The following XPC variants were observed in gnomAD, a reference collection of about 807,000 sequenced individuals.
XPC encodes the protein XPC complex subunit, DNA damage recognition and repair factor.
XPC carries 76 observed loss-of-function variants against 95.8 expected under a neutral mutation model. The ratio of observed to expected loss-of-function variants is 0.79; its 90% CI spans 0.66 to 0.96. The LOEUF (loss-of-function observed/expected upper bound fraction) is 0.96, where lower values mean the gene tolerates loss of function less well. Ranked by LOEUF, XPC falls within the 40% of genes least tolerant of loss-of-function variation. The pLI is 0.00. For missense variants in XPC, 1,146 were observed against 1,179.8 expected (o/e 0.97, Z 0.42); for synonymous variants, 442 against 442.1 (o/e 1.00, Z 0.00).
At chr3:14,161,701 G>C (rs1441659070) in intron 7 of XPC, among the ~76,000 whole-genome samples, 1 of 149,340 alleles carries the variant, frequency 6.7e-6, no homozygotes, top group Non-Finnish European at 1.5e-5. Context: ...CCCAGATCTA[G>C]TATGATACTT....
At chr3:14,147,782 G>A in intron 14 of XPC, 126 bp downstream of exon 14, 1 of 827,324 alleles carries the variant, frequency 1.2e-6, no homozygotes, top group Non-Finnish European at 1.9e-6. Context: ...TCGGGTGCCT[G>A]CCATGATGTC....
intron 1 of XPC, among the ~76,000 whole-genome samples, chr3:14,176,293 C>T (rs1001158319): frequency 1.3e-5 from 2 of 152,110 alleles, no homozygotes; most frequent in Non-Finnish European, 2.9e-5. Flanking sequence ...ACTAGAATAC[C>T]GGCCCCTTTT....
chr3:14,175,538 C>G (rs935765676), intron 1 of XPC, among the ~76,000 whole-genome samples: 1 of 152,008 alleles, frequency 6.6e-6, no homozygotes, highest in Non-Finnish European at 1.5e-5. Flanking sequence ...CAATATTATC[C>G]TAGTACCTGG....
chr3:14,177,398 T>C (rs1696869231), intron 1 of XPC, among the ~76,000 whole-genome samples: 1 of 152,114 alleles, frequency 6.6e-6, no homozygotes, highest in African/African-American at 2.4e-5. Context: ...CACCTTAGTT[T>C]GCTCAAGGAA....
intron 9 of XPC, 125 bp from the exon 10 acceptor site, chr3:14,156,620 A>G (rs1695921953): frequency 4.5e-6 from 6 of 1,336,534 alleles, no homozygotes; most frequent in Admixed American, 3.9e-5. Context: ...CATGAACACT[A>G]ATGGTTTTGT....
intron 7 of XPC, among the ~76,000 whole-genome samples, chr3:14,161,037 GA>G (rs1260194475): frequency 2.6e-5 from 4 of 152,054 alleles, no homozygotes; most frequent in African/African-American, 7.2e-5. Context: ...CATTGCTGAG[GA>G]AAAAAATCAG....
Position 14,176,078 on chromosome 3 carries a change from A to G in XPC, c.103+2388T>C, listed in dbSNP as rs113285730. On this transcript the variant is annotated intron_variant, in intron 1 of 15. Coordinates refer to ENST00000285021, the MANE Select transcript of XPC (RefSeq NM_004628.5). ...CACTGAAAACTCACAGCCACCCCGC[A>G]AGGCAGTTATTACATTTCACAGAGG... is the stretch of plus-strand genomic sequence containing the variant. 9.5e-3 allele frequency among the ~76,000 whole-genome samples: 1,440 copies of G among 152,308 alleles called. 9 individuals are homozygous for G. The highest frequency in any genetic ancestry group is 0.018 in the Admixed American group (281 of 15,308).
In XPC at chr3:14,152,108, T is replaced by G. The variant is rs143952061; in HGVS notation, c.2115+227A>C. 5.9e-3 allele frequency among the ~76,000 whole-genome samples: 895 copies of G among 152,028 alleles called. 19 individuals carry two copies. The highest frequency in any genetic ancestry group is 4.9e-3 in the Non-Finnish European group (335 of 67,986). ...CTGAGGCCTACTTTTTGGCCTAGAT[T>G]TCTTTTGTGTTTTGGAAGATCCATT... On this transcript the variant is annotated intron_variant, in intron 11 of 15. Transcript: ENST00000285021.
chr3:14,159,610 A>G, intron 8 of XPC, 131 bp downstream of exon 8: 1 of 879,932 alleles, frequency 1.1e-6, no homozygotes, highest in East Asian at 2.6e-5. Flanking sequence ...AACACAGGGT[A>G]TGTGCAAGGC....
chr3:14,178,259 A>C, intron 1 of XPC: 1 of 572,778 alleles, frequency 1.7e-6, no homozygotes. Context: ...GATCGGGCGA[A>C]GCTCGCGGGA....
intron 10 of XPC, among the ~76,000 whole-genome samples, chr3:14,153,697 G>A (rs945300594): frequency 6.6e-6 from 1 of 152,176 alleles, no homozygotes; most frequent in African/African-American, 2.4e-5. Context: ...CTCAACTTAG[G>A]ATATCCTATT....
chr3:14,152,540 A>T, intron 10 of XPC, 124 bp from the exon 11 acceptor site: 1 of 870,272 alleles, frequency 1.1e-6, no homozygotes, highest in Non-Finnish European at 1.7e-6. Context: ...GAGCAGGCCG[A>T]GCTCCTAGGG....
In XPC at chr3:14,145,160, TTTA is replaced by T. The variant is rs1373683084; in HGVS notation, c.*778_*780del. 9 of 510,992 alleles carry T rather than the reference TTTA, an allele frequency of 1.8e-5. No individual in the cohort carries two copies. Among genetic ancestry groups the T allele is most frequent in the South Asian group, 5.9e-5 (2 of 33,758 alleles). 31.7% of individuals were successfully genotyped at this position (510,992 alleles called of 1,614,324 possible). ...TAGAGCCAAATCTTTAGATAAATGC[TTTA>T]TTATTTTCTCAAAATGTTATAAAAG... On this transcript the variant is annotated 3_prime_UTR_variant, in exon 16 of 16. Coordinates refer to ENST00000285021, the MANE Select transcript of XPC (RefSeq NM_004628.5).
chr3:14,149,959 T>G (rs1055116400), intron 11 of XPC: 1 of 152,246 alleles, frequency 6.6e-6, no homozygotes, highest in African/African-American at 2.4e-5. Context: ...TAGCAGTGAC[T>G]GAGACTGAGA....
chr3:14,171,333 G>C (rs1459364549), intron 2 of XPC, among the ~76,000 whole-genome samples: 2 of 152,014 alleles, frequency 1.3e-5, no homozygotes, highest in African/African-American at 4.8e-5. Context: ...TTTTTTTAGA[G>C]TACCACTTTC....
At chr3:14,155,609 G>GT (rs1203088959) in intron 10 of XPC, among the ~76,000 whole-genome samples, 3 of 152,008 alleles carry the variant, frequency 2.0e-5, no homozygotes, top group African/African-American at 7.3e-5. Flanking sequence ...CCAGGCTGGA[G>GT]TGCAGTGGCG....
Position 14,172,871 on chromosome 3 carries a change from G to A in XPC, c.295C>T (p.Leu99Phe). The A allele has an allele frequency of 6.2e-7, 1 of 1,613,662 alleles. No individual in the cohort carries two copies. The highest frequency in any genetic ancestry group is 8.5e-7 in the Non-Finnish European group (1 of 1,179,774). The change falls in exon 2 of 16, where the codon CTC (leucine) becomes TTC (phenylalanine). Residue 99 changes from leucine to phenylalanine, a missense_variant. Leu to Phe is a conservative substitution (Grantham distance 22). Coordinates refer to ENST00000285021, the MANE Select transcript of XPC (RefSeq NM_004628.5). ...AAAGCTTTGCAGACATCTCACCTGA[G>A]GTCATCCCCATCGCTGAGGGCTTCA... ...KDEALSDGDD[L>F]RDFPSDLKKA...
rs1695501214 is a variant in XPC, at chr3:14,147,789, T to C, written c.2514+119A>G. On this transcript the variant is annotated intron_variant, in intron 14 of 15. Transcript: ENST00000285021. ...TCGCTCCCTCGGGTGCCTGCCATGA[T>C]GTCAGAGAGGGCTGGGAAGAGCCTG... is the stretch of plus-strand genomic sequence containing the variant. 1.5e-5 allele frequency: 13 copies of C among 876,940 alleles called. No homozygotes were observed. In the Admixed American group the frequency reaches 2.9e-4, roughly 20 times the overall value. The allele number at this position is 876,940 out of a possible 1,614,324, so 54.3% of individuals were successfully genotyped here. A position where few individuals can be genotyped will look rare whatever the true frequency, so the allele number is the denominator to read the frequency against.
At position 14,158,949 on chromosome 3, in the gene XPC, T is replaced by C. The variant is rs374251255; in HGVS notation, c.991-57A>G. ...TCTCCCCCCTCTTTTGCTAATGATATGATAGAAATCCTGTAATCTAATAGG... is the reference window on the plus strand; with the variant it reads ...TCTCCCCCCTCTTTTGCTAATGATACGATAGAAATCCTGTAATCTAATAGG... On this transcript the variant is annotated intron_variant, in intron 8 of 15. Transcript: ENST00000285021. The surrounding 1 kb of genome is among the most constrained non-coding windows in gnomAD (Gnocchi z 5.2). The C allele has an allele frequency of 6.2e-7, 1 of 1,606,114 alleles. No homozygotes were observed. The highest frequency in any genetic ancestry group is 1.3e-5 in the African/African-American group (1 of 74,772).
Sources: allele counts gnomAD v4.1 joint callset (sites outside exome capture counted in the v4.1 genomes callset), GRCh38; gene constraint gnomAD v4.1.1; non-coding constraint Gnocchi (gnomAD v3.1); transcripts MANE v1.5; gene names NCBI Gene and HGNC (gene_info 2026-07-23, HGNC 2026-07-21).